The following PCDHGB6 variants were observed in gnomAD, a reference collection of about 807,000 sequenced individuals.
PCDHGB6 encodes the protein protocadherin gamma subfamily B, 6.
Under a neutral mutation model 59.1 loss-of-function variants are expected in PCDHGB6, and 51 were observed. The ratio of observed to expected loss-of-function variants is 0.86; its 90% confidence interval spans 0.69 to 1.09. The LOEUF (loss-of-function observed/expected upper bound fraction) is 1.09, where lower values mean the gene tolerates loss of function less well. PCDHGB6 is among the 50% of genes least tolerant of loss of function. The pLI, the probability that PCDHGB6 is intolerant of heterozygous loss-of-function variation, is 0.00. For synonymous variants in PCDHGB6, 466 were observed against 495.1 expected (o/e 0.94, Z 0.78); for missense variants, 1,148 against 1,205.1 (o/e 0.95, Z 0.70).
chr5:141,425,845 GT>G (rs2096898477), intron 1 of PCDHGB6, among the ~76,000 whole-genome samples: 1 of 152,126 alleles, frequency 6.6e-6, no homozygotes, highest in Non-Finnish European at 1.5e-5. Context: ...TCTTTGCTGG[GT>G]TAATGACTGT....
At chr5:141,421,429 G>T in intron 1 of PCDHGB6, 1 of 1,614,090 alleles carries the variant, frequency 6.2e-7, no homozygotes, top group Non-Finnish European at 8.5e-7. Flanking sequence ...AGTCCGCATC[G>T]TCTCCAGAGG....
At chr5:141,453,745 A>G (rs1208061874) in intron 1 of PCDHGB6, among the ~76,000 whole-genome samples, 1 of 152,264 alleles carries the variant, frequency 6.6e-6, no homozygotes, top group African/African-American at 2.4e-5. Context: ...CTTAAATAAC[A>G]TAAGTCTCCT....
In PCDHGB6 at chr5:141,486,645, C is replaced by G. The variant is rs369948556; in HGVS notation, c.2419-8162C>G. ...GACTCTGGCTTGAATGCGCTTATCT[C>G]CTACTCACTCCTGGAGCCCAGGAAT... On this transcript the variant is annotated intron_variant, in intron 1 of 3. Coordinates refer to ENST00000520790, the MANE Select transcript of PCDHGB6 (RefSeq NM_018926.3). The surrounding 1 kb of genome is among the most constrained non-coding windows in gnomAD (Gnocchi z 5.0). 4.3e-6 allele frequency: 7 copies of G among 1,613,752 alleles called. No individual in the cohort carries two copies. The Admixed American group carries it at 6.7e-5, about 15-fold the overall frequency.
chr5:141,413,649 C>G, intron 1 of PCDHGB6: 1 of 1,613,836 alleles, frequency 6.2e-7, no homozygotes, highest in South Asian at 1.1e-5. Flanking sequence ...GTTTTCCTCT[C>G]CCGGAAGCTA....
chr5:141,463,097 C>A (rs1333118215), intron 1 of PCDHGB6, among the ~76,000 whole-genome samples: 2 of 152,152 alleles, frequency 1.3e-5, no homozygotes, highest in East Asian at 3.8e-4. Context: ...CCCTATGTGA[C>A]CATCAAGAAT....
At chr5:141,423,022 T>C in intron 1 of PCDHGB6, 1 of 1,614,194 alleles carries the variant, frequency 6.2e-7, no homozygotes, top group Non-Finnish European at 8.5e-7. Flanking sequence ...GGACAAAGAT[T>C]CAGGCCAGAA....
In PCDHGB6 at chr5:141,415,739, G is replaced by GTTTT; in HGVS notation, c.2418+5119_2418+5120insTTTT. On this transcript the variant is annotated intron_variant, in intron 1 of 3. Transcript: ENST00000520790. The stretch of plus-strand genomic sequence containing the variant: ...ATGAGTAGAATTTGATGTTTATTAA[G>GTTTT]GTTTTTTTTTTTTTTTTTTTTTTTT... 9.2e-6 allele frequency: 4 copies of GTTTT among 434,946 alleles called. No homozygotes were observed. In the African/African-American group the frequency reaches 1.3e-4, roughly 14 times the overall value. 26.9% of individuals were successfully genotyped at this position (434,946 alleles called of 1,614,324 possible).
intron 1 of PCDHGB6, among the ~76,000 whole-genome samples, chr5:141,438,587 C>CAT (rs1372372472): frequency 1.4e-4 from 10 of 73,396 alleles, no homozygotes; most frequent in East Asian, 3.8e-4. Context: ...TACATACATA[C>CAT]ATACATATAT....
rs750037212 is a variant in PCDHGB6, at chr5:141,408,856, G to A, written c.654G>A (p.Gly218=). The A allele has an allele frequency of 6.2e-7, 1 of 1,613,518 alleles. No homozygotes were observed. Among genetic ancestry groups the A allele is most frequent in the Non-Finnish European group, 8.5e-7 (1 of 1,179,792 alleles). Reference sequence around the variant, plus strand: ...TGATATTGACTGCCTTGGACGGAGGGGACCCACCAAGAAGTGCCACCGCTC... The same window carrying A: ...TGATATTGACTGCCTTGGACGGAGGAGACCCACCAAGAAGTGCCACCGCTC... The part of the protein sequence containing the change: ...HSLILTALDG[G]DPPRSATAHI... The change falls in exon 1 of 4, where the codon GGG becomes GGA. Residue 218 remains glycine (G), a synonymous_variant. Coordinates refer to ENST00000520790, the MANE Select transcript of PCDHGB6 (RefSeq NM_018926.3).
At position 141,476,923 on chromosome 5, in the gene PCDHGB6, G is replaced by A. The variant is rs368207814; in HGVS notation, c.2419-17884G>A. On this transcript the variant is annotated intron_variant, in intron 1 of 3. Transcript: ENST00000520790. This position sits in a 1 kb window ranked among gnomAD's most constrained non-coding sequence, Gnocchi z 7.6. ...CGCGCGTGGTACAAGTCCTTGCAAC[G>A]GATCTGGATGAAGGCCCCAACGGTG... The A allele has an allele frequency of 5.0e-6, 8 of 1,614,024 alleles. No individual in the cohort carries two copies. Among genetic ancestry groups the A allele is most frequent in the African/African-American group, 4.0e-5 (3 of 74,952 alleles).
At chr5:141,434,807 A>G (rs2097718601) in intron 1 of PCDHGB6, among the ~76,000 whole-genome samples, 1 of 152,016 alleles carries the variant, frequency 6.6e-6, no homozygotes, top group South Asian at 2.1e-4. Context: ...AGCTTGGAGA[A>G]ATATATCCCT....
In PCDHGB6 at chr5:141,431,538, A is replaced by G; in HGVS notation, c.2418+20918A>G. ...CCGGAGAATCTGGCCTTGGGCACGC[A>G]GCTGCTTGTAGTCAACGCTACCGAC... is the stretch of plus-strand genomic sequence containing the variant. On this transcript the variant is annotated intron_variant, in intron 1 of 3. Transcript: ENST00000520790. The surrounding 1 kb of genome is among the most constrained non-coding windows in gnomAD (Gnocchi z 4.8). The G allele has an allele frequency of 6.2e-7, 1 of 1,614,114 alleles. No individual in the cohort carries two copies. Among genetic ancestry groups the G allele is most frequent in the Non-Finnish European group, 8.5e-7 (1 of 1,180,024 alleles).
At chr5:141,492,506 C>T (rs2154587372) in intron 1 of PCDHGB6, among the ~76,000 whole-genome samples, 2 of 152,318 alleles carry the variant, frequency 1.3e-5, no homozygotes, top group South Asian at 4.1e-4. Context: ...ACTCCGGAGC[C>T]TCCTCTCACC....
chr5:141,475,486 T>G (rs576743657), intron 1 of PCDHGB6, among the ~76,000 whole-genome samples: 1 of 152,252 alleles, frequency 6.6e-6, no homozygotes, highest in Non-Finnish European at 1.5e-5. Flanking sequence ...TGGTAAGAGA[T>G]AAAACTGAAA....
At chr5:141,466,036 G>A (rs981390655) in intron 1 of PCDHGB6, among the ~76,000 whole-genome samples, 17 of 152,064 alleles carry the variant, frequency 1.1e-4, no homozygotes, top group Non-Finnish European at 2.5e-4. Flanking sequence ...GCAGGAGAAC[G>A]GCATGAACCC....
intron 1 of PCDHGB6, among the ~76,000 whole-genome samples, chr5:141,481,215 G>T (rs1238465869): frequency 6.6e-6 from 1 of 152,152 alleles, no homozygotes; most frequent in Non-Finnish European, 1.5e-5. Context: ...AACATGGTAA[G>T]GTCTCCCAGC....
chr5:141,431,150 CCTTA>C lies in PCDHGB6; in HGVS notation c.2418+20534_2418+20537del, dbSNP rs1302288904. ...AGTAAGGGACATTAACGACAATGCG[CCTTA>C]CTTTCGTGAAAGTGAATTAGAAATA... On this transcript the variant is annotated intron_variant, in intron 1 of 3. Coordinates refer to ENST00000520790, the MANE Select transcript of PCDHGB6 (RefSeq NM_018926.3). The surrounding 1 kb of genome is among the most constrained non-coding windows in gnomAD (Gnocchi z 4.8). 3 of 1,614,226 alleles carry C rather than the reference CCTTA, an allele frequency of 1.9e-6. No individual in the cohort carries two copies. The highest frequency in any genetic ancestry group is 2.2e-5 in the East Asian group (1 of 44,876).
chr5:141,492,851 C>T (rs1289268967), intron 1 of PCDHGB6, among the ~76,000 whole-genome samples: 2 of 152,204 alleles, frequency 1.3e-5, no homozygotes, highest in Non-Finnish European at 2.9e-5. Flanking sequence ...GTGAAAGCCT[C>T]GAGCGCCCTG....
Position 141,500,251 on chromosome 5 carries a change from C to T in PCDHGB6, c.2478-5142C>T, listed in dbSNP as rs187199142. Among the ~76,000 whole-genome samples, 1,493 of 151,438 alleles carry T rather than the reference C, an allele frequency of 9.9e-3. 32 individuals are homozygous for T. Among genetic ancestry groups the T allele is most frequent in the African/African-American group, 0.035 (1,426 of 41,214 alleles). Reference sequence around the variant, plus strand: ...TGATACGTAGCCTTGCTCTGTCACCCAGGCTGGACTGCAGTGGCGCAATCT... The same window carrying T: ...TGATACGTAGCCTTGCTCTGTCACCTAGGCTGGACTGCAGTGGCGCAATCT... On this transcript the variant is annotated intron_variant, in intron 2 of 3. Coordinates refer to ENST00000520790, the MANE Select transcript of PCDHGB6 (RefSeq NM_018926.3).
Sources: allele counts gnomAD v4.1 joint callset (sites outside exome capture counted in the v4.1 genomes callset), GRCh38; gene constraint gnomAD v4.1.1; non-coding constraint Gnocchi (gnomAD v3.1); transcripts MANE v1.5; gene names NCBI Gene and HGNC (gene_info 2026-07-23, HGNC 2026-07-21).